PALLD: variants seen among roughly 807,000 people sequenced by gnomAD.
The protein encoded by PALLD is palladin.
In PALLD, 61 loss-of-function variants were observed where a neutral mutation model predicts 123.5. That is an observed-to-expected ratio of 0.49 (90% CI 0.40 to 0.61). PALLD has a LOEUF of 0.61. Among genes scored for constraint, PALLD ranks in the 20% least tolerant of loss-of-function variants. The pLI is 0.00. For synonymous variants in PALLD, 465 were observed against 496.4 expected, an observed-to-expected ratio of 0.94 and a Z score of 0.84; for missense variants, 1,273 against 1,377.0, an observed-to-expected ratio of 0.92 and a Z score of 1.20.
chr4:168,648,172 A>G (rs1218236513), intron 2 of PALLD: 3 of 152,046 alleles, frequency 2.0e-5, no homozygotes, highest in Admixed American at 1.3e-4. Flanking sequence ...TCCCGGAAGC[A>G]ATTTTCTTCT....
chr4:168,497,540 C>T (rs1760877940), intron 1 of PALLD, among the ~76,000 whole-genome samples: 1 of 152,116 alleles, frequency 6.6e-6, no homozygotes, highest in African/African-American at 2.4e-5. Flanking sequence ...TTATGTTTCA[C>T]AGAAAAGGAA....
intron 10 of PALLD, among the ~76,000 whole-genome samples, chr4:168,814,802 G>A (rs1438053459): frequency 1.3e-5 from 2 of 152,062 alleles, no homozygotes; most frequent in Admixed American, 1.3e-4. Flanking sequence ...ACACAGTCTC[G>A]CTCTGTCACC....
intron 10 of PALLD, among the ~76,000 whole-genome samples, chr4:168,797,238 A>C (rs1419595432): frequency 6.6e-6 from 1 of 151,752 alleles, no homozygotes; most frequent in Non-Finnish European, 1.5e-5. Flanking sequence ...ATGCTTTCGA[A>C]TGTTCATAGG....
At chr4:168,627,402 C>T (rs990862711) in intron 2 of PALLD, among the ~76,000 whole-genome samples, 3 of 151,970 alleles carry the variant, frequency 2.0e-5, no homozygotes, top group Non-Finnish European at 4.4e-5. Flanking sequence ...CCCAGATACT[C>T]GGGAGGCTGA....
intron 2 of PALLD, among the ~76,000 whole-genome samples, chr4:168,626,127 G>T (rs924792961): frequency 1.4e-5 from 2 of 146,554 alleles, no homozygotes; most frequent in African/African-American, 5.1e-5. Flanking sequence ...TTAGCCGGGC[G>T]TAGTGGCGGG....
intron 10 of PALLD, among the ~76,000 whole-genome samples, chr4:168,761,830 G>A (rs1481599423): frequency 6.6e-6 from 1 of 151,776 alleles, no homozygotes; most frequent in Non-Finnish European, 1.5e-5. Flanking sequence ...CTATTCTAGT[G>A]TCAGTGGCAT....
intron 10 of PALLD, among the ~76,000 whole-genome samples, chr4:168,812,497 G>T (rs1423677938): frequency 1.3e-5 from 2 of 152,202 alleles, no homozygotes; most frequent in African/African-American, 4.8e-5. Context: ...GAGTTGGGCA[G>T]AAAGTTTAGC....
At chr4:168,511,069 T>C (rs868437267) in intron 1 of PALLD, among the ~76,000 whole-genome samples, 10 of 152,322 alleles carry the variant, frequency 6.6e-5, no homozygotes, top group Admixed American at 1.3e-4. Context: ...CAGAGTCAGA[T>C]TTACTAAAAA....
chr4:168,726,766 C>T (rs1786630258), intron 10 of PALLD, among the ~76,000 whole-genome samples: 2 of 151,212 alleles, frequency 1.3e-5, no homozygotes, highest in South Asian at 4.2e-4. Context: ...AAAAAAAAAT[C>T]AACTTCTATT....
chr4:168,691,838 G>A (rs1188052541), intron 8 of PALLD, among the ~76,000 whole-genome samples: 3 of 152,120 alleles, frequency 2.0e-5, no homozygotes, highest in African/African-American at 4.8e-5. Flanking sequence ...TTATCAGGTC[G>A]TTTGACCAGA....
chr4:168,535,333 A>G (rs1764996897), intron 2 of PALLD, among the ~76,000 whole-genome samples: 1 of 152,212 alleles, frequency 6.6e-6, no homozygotes. Flanking sequence ...GAGAGGGTGG[A>G]TTACCACTTA....
Position 168,511,648 on chromosome 4 carries a change from A to T in PALLD, c.144A>T (p.Arg48Ser). The change falls in exon 2 of 22, where the codon AGA becomes AGT. Residue 48 changes from arginine to serine, a missense_variant. Arg to Ser is a moderately radical substitution (Grantham distance 110, BLOSUM62 -1). Coordinates refer to ENST00000505667, the MANE Select transcript of PALLD (RefSeq NM_001166108.2). ...EINKSLDLAR[R>S]AIADSETEDF... The stretch of plus-strand genomic sequence containing the variant: ...ACAAGAGTCTTGACCTGGCCCGGAG[A>T]GCCATAGCCGACTCCGAAACAGAAG... 2 of 1,614,160 alleles carry T rather than the reference A, an allele frequency of 1.2e-6. No individual in the cohort carries two copies. Among genetic ancestry groups the T allele is most frequent in the Non-Finnish European group, 1.7e-6 (2 of 1,180,004 alleles).
intron 3 of PALLD, among the ~76,000 whole-genome samples, chr4:168,676,739 A>AT (rs397961036): frequency 0.19 from 27,524 of 143,680 alleles, 3,701 homozygotes; most frequent in African/African-American, 0.39. Flanking sequence ...TGCCCATCTA[A>AT]TTTTTTTTTT....
At chr4:168,729,601 C>A (rs568807734) in intron 10 of PALLD, among the ~76,000 whole-genome samples, 3 of 152,318 alleles carry the variant, frequency 2.0e-5, no homozygotes, top group East Asian at 3.9e-4. Flanking sequence ...AGGATCAATG[C>A]ACAGTTGTTC....
At chr4:168,794,518 A>ACACG (rs1268693924) in intron 10 of PALLD, among the ~76,000 whole-genome samples, 3 of 148,126 alleles carry the variant, frequency 2.0e-5, no homozygotes, top group African/African-American at 7.7e-5. Context: ...ACACACACAC[A>ACACG]CACACACACA....
At chr4:168,623,304 G>A (rs536170946) in intron 2 of PALLD, among the ~76,000 whole-genome samples, 5 of 152,300 alleles carry the variant, frequency 3.3e-5, no homozygotes, top group African/African-American at 1.2e-4. Context: ...GAATCTGGAA[G>A]TAGTTGTTTA....
chr4:168,891,240 G>A (rs901710544), intron 11 of PALLD, among the ~76,000 whole-genome samples, 183 bp downstream of exon 11: 7 of 152,114 alleles, frequency 4.6e-5, no homozygotes, highest in African/African-American at 1.4e-4. Context: ...ACAGCTCACT[G>A]CATCCTTGAC....
chr4:168,672,256 A>G (rs4516678), intron 3 of PALLD, among the ~76,000 whole-genome samples: 3,301 of 152,258 alleles, frequency 0.022, 116 homozygotes, highest in African/African-American at 0.074. Flanking sequence ...AGAACACTCA[A>G]TATCCTCCTT....
intron 10 of PALLD, among the ~76,000 whole-genome samples, chr4:168,797,640 G>A (rs745568592): frequency 4.6e-5 from 7 of 152,068 alleles, no homozygotes; most frequent in Non-Finnish European, 1.0e-4. Context: ...AAGAAGTGAC[G>A]GTAACACAGA....
Sources: allele counts gnomAD v4.1 joint callset (sites outside exome capture counted in the v4.1 genomes callset), GRCh38; gene constraint gnomAD v4.1.1; transcripts MANE v1.5; gene names NCBI Gene and HGNC (gene_info 2026-07-23, HGNC 2026-07-21).